The following NXPH1 variants were observed in gnomAD, a reference collection of about 807,000 sequenced individuals.
The protein encoded by NXPH1 is neurexophilin-1.
Under a neutral mutation model 23.7 loss-of-function variants are expected in NXPH1, and 5 were observed. The observed-to-expected ratio is 0.21, with a 90% CI of 0.11 to 0.44. The LOEUF (loss-of-function observed/expected upper bound fraction) is 0.44. Among genes scored for constraint, NXPH1 ranks in the 20% least tolerant of loss-of-function variants. The pLI is 0.99. For synonymous variants in NXPH1, 144 were observed against 122.2 expected (o/e 1.18, Z -1.18); for missense variants, 324 against 321.6 (o/e 1.01, Z -0.06).
chr7:8,465,292 C>G (rs1816767113), intron 2 of NXPH1, among the ~76,000 whole-genome samples: 1 of 152,172 alleles, frequency 6.6e-6, no homozygotes, highest in South Asian at 2.1e-4. Context: ...TTATAGCCCC[C>G]TTTCAGTGTG....
intron 2 of NXPH1, among the ~76,000 whole-genome samples, chr7:8,521,572 G>A (rs912794162): frequency 6.6e-6 from 1 of 152,156 alleles, no homozygotes; most frequent in African/African-American, 2.4e-5. Flanking sequence ...AGGGAGCTGG[G>A]ATCTCTAGTT....
At chr7:8,623,557 C>A (rs192895451) in intron 2 of NXPH1, among the ~76,000 whole-genome samples, 10 of 151,520 alleles carry the variant, frequency 6.6e-5, no homozygotes, top group Admixed American at 5.3e-4. Context: ...AGTTAACAAA[C>A]AAAAAACCAA....
chr7:8,439,547 T>C (rs1816256557), intron 2 of NXPH1, among the ~76,000 whole-genome samples: 1 of 152,144 alleles, frequency 6.6e-6, no homozygotes, highest in Non-Finnish European at 1.5e-5. Context: ...TGAGAAGGGG[T>C]CCCACCATTT....
At chr7:8,646,837 G>A (rs558637683) in intron 2 of NXPH1, among the ~76,000 whole-genome samples, 3 of 147,484 alleles carry the variant, frequency 2.0e-5, no homozygotes, top group Admixed American at 7.0e-5. Context: ...TAATCAGAGA[G>A]CCTCTGAAGG....
At chr7:8,550,296 C>A (rs1028277305) in intron 2 of NXPH1, among the ~76,000 whole-genome samples, 2 of 151,428 alleles carry the variant, frequency 1.3e-5, no homozygotes, top group African/African-American at 2.4e-5. Flanking sequence ...CGCCTGGGGG[C>A]AAAAGGGGGG....
rs183828643 is a variant in NXPH1, at chr7:8,612,134, T to A, written c.55-138874T>A. 7.8e-3 allele frequency among the ~76,000 whole-genome samples: 1,178 copies of A among 151,972 alleles called. 13 individuals carry two copies. Among genetic ancestry groups the A allele is most frequent in the Middle Eastern group, 0.044 (13 of 294 alleles). On this transcript the variant is annotated intron_variant, in intron 2 of 2. Coordinates refer to ENST00000405863, the MANE Select transcript of NXPH1 (RefSeq NM_152745.3). Reference sequence around the variant, plus strand: ...GTGTTTGAGTTCTTTTTCTCTTTTTTTTCCCTTCCCCTTCTTTCCTTTCTC... The same window carrying A: ...GTGTTTGAGTTCTTTTTCTCTTTTTATTCCCTTCCCCTTCTTTCCTTTCTC...
At chr7:8,675,182 G>A (rs12056206) in intron 2 of NXPH1, among the ~76,000 whole-genome samples, 93,220 of 151,612 alleles carry the variant, frequency 0.61, 29,710 homozygotes, top group Middle Eastern at 0.77. Context: ...TATTGGGTAA[G>A]TATTTACCTT....
chr7:8,472,034 T>A (rs900165843), intron 2 of NXPH1, among the ~76,000 whole-genome samples: 4 of 151,858 alleles, frequency 2.6e-5, no homozygotes, highest in Admixed American at 6.6e-5. Context: ...ATCATATTTA[T>A]AATATAGTAG....
chr7:8,703,150 C>T (rs1338199160), intron 2 of NXPH1, among the ~76,000 whole-genome samples: 2 of 152,106 alleles, frequency 1.3e-5, no homozygotes, highest in Non-Finnish European at 2.9e-5. Flanking sequence ...AAATCAGCCT[C>T]ATCATACTTC....
At position 8,485,951 on chromosome 7, in the gene NXPH1, T is replaced by C. The variant is rs112127842; in HGVS notation, c.54+50184T>C. Among the ~76,000 whole-genome samples, 590 of 152,266 alleles carry C rather than the reference T, an allele frequency of 3.9e-3. 3 individuals carry two copies. Among genetic ancestry groups the C allele is most frequent in the African/African-American group, 0.013 (552 of 41,544 alleles). On this transcript the variant is annotated intron_variant, in intron 2 of 2. Coordinates refer to ENST00000405863, the MANE Select transcript of NXPH1 (RefSeq NM_152745.3). ...TCATTGGTGTTCATCTGGCATTGAC[T>C]TTAGTTATAAAGATCAGTTTCAACT... is the stretch of plus-strand genomic sequence containing the variant.
chr7:8,728,267 A>T (rs1267924443), intron 2 of NXPH1, among the ~76,000 whole-genome samples: 1 of 152,216 alleles, frequency 6.6e-6, no homozygotes, highest in Non-Finnish European at 1.5e-5. Flanking sequence ...CTAGATCTAC[A>T]GTCATGTTGT....
rs149986595 is a variant in NXPH1 at position 8,692,872 on chromosome 7, T to C, written c.55-58136T>C. ...TGAAATGACCCATGCTGAATGAATG[T>C]GACAAGGAAGAAGGGGATTTGAACG... On this transcript the variant is annotated intron_variant, in intron 2 of 2. Transcript: ENST00000405863. Among the ~76,000 whole-genome samples, 565 of 152,228 alleles carry C rather than the reference T, an allele frequency of 3.7e-3. 10 individuals are homozygous for C. Among genetic ancestry groups the C allele is most frequent in the African/African-American group, 0.013 (533 of 41,522 alleles).
At position 8,612,136 on chromosome 7, in the gene NXPH1, T is replaced by C. The variant is rs370833694; in HGVS notation, c.55-138872T>C. On this transcript the variant is annotated intron_variant, in intron 2 of 2. Transcript: ENST00000405863. ...GTTTGAGTTCTTTTTCTCTTTTTTT[T>C]CCCTTCCCCTTCTTTCCTTTCTCTT... Among the ~76,000 whole-genome samples the C allele has an allele frequency of 9.2e-3, 1,394 of 151,956 alleles. 23 individuals are homozygous for C. Among genetic ancestry groups the C allele is most frequent in the African/African-American group, 0.032 (1,328 of 41,452 alleles).
chr7:8,564,305 AT>A (rs1818502236), intron 2 of NXPH1, among the ~76,000 whole-genome samples: 2 of 151,854 alleles, frequency 1.3e-5, no homozygotes, highest in South Asian at 4.1e-4. Flanking sequence ...GTAGCAGTAA[AT>A]TAATTTCATG....
chr7:8,503,184 C>G (rs1475069246), intron 2 of NXPH1, among the ~76,000 whole-genome samples: 1 of 152,012 alleles, frequency 6.6e-6, no homozygotes, highest in Non-Finnish European at 1.5e-5. Flanking sequence ...ACATTGATAA[C>G]TGGAACACTT....
chr7:8,676,389 A>G (rs1458117250), intron 2 of NXPH1, among the ~76,000 whole-genome samples: 1 of 152,174 alleles, frequency 6.6e-6, no homozygotes, highest in Non-Finnish European at 1.5e-5. Flanking sequence ...TCATTTGCAT[A>G]ACACTCCACC....
intron 2 of NXPH1, among the ~76,000 whole-genome samples, chr7:8,466,822 C>T (rs972963699): frequency 1.3e-5 from 2 of 152,144 alleles, no homozygotes; most frequent in African/African-American, 2.4e-5. Context: ...CCCACCCTGC[C>T]CAGCTCCATT....
chr7:8,480,020 A>T (rs1817046590), intron 2 of NXPH1, among the ~76,000 whole-genome samples: 1 of 152,148 alleles, frequency 6.6e-6, no homozygotes, highest in African/African-American at 2.4e-5. Context: ...CTAGAAATGT[A>T]TACAAGTGAT....
chr7:8,680,504 A>T (rs918727486), intron 2 of NXPH1, among the ~76,000 whole-genome samples: 1 of 152,242 alleles, frequency 6.6e-6, no homozygotes, highest in African/African-American at 2.4e-5. Flanking sequence ...CTCAAGAGAA[A>T]ATGTTAGGTA....
Sources: gnomAD v4.1 joint callset for allele counts (sites outside exome capture counted in the v4.1 genomes callset) on GRCh38, gnomAD v4.1.1 for gene constraint, MANE v1.5 for transcripts, NCBI Gene and HGNC (gene_info 2026-07-23, HGNC 2026-07-21) for gene names.